Variants in MRNIP observed in about 807,000 individuals in gnomAD.
MRNIP encodes MRN complex interacting protein.
Under a neutral mutation model 29.8 loss-of-function variants are expected in MRNIP, and 30 were observed. That is an observed-to-expected ratio of 1.01 (90% CI 0.75 to 1.36). MRNIP has a LOEUF of 1.36. Ranked by LOEUF, MRNIP falls within the 40% of genes most tolerant of loss-of-function variation. The pLI, the probability that MRNIP is intolerant of heterozygous loss-of-function variation, is 0.00. For synonymous variants in MRNIP, 201 were observed against 164.1 expected (o/e 1.23, Z -1.72); for missense variants, 459 against 423.5 (o/e 1.08, Z -0.74).
chr5:179,851,906 G>A (rs917041800), intron 2 of MRNIP, among the ~76,000 whole-genome samples: 9 of 151,374 alleles, frequency 5.9e-5, no homozygotes, highest in Middle Eastern at 3.2e-3. Context: ...TAAACCCAGG[G>A]GGCGGAGCTT....
Position 179,842,699 on chromosome 5 carries a change from C to CAAAAAAAAAAAAAAAAAAA in MRNIP, c.292-654_292-636dup, listed in dbSNP as rs58952171. On this transcript the variant is annotated intron_variant, in intron 4 of 6. Coordinates refer to ENST00000292586, the MANE Select transcript of MRNIP (RefSeq NM_016175.4). ...TGGGGGGCAGAGCGAGACTCCGTCTCAAAAAAAAAAAAAAAAAAAAAAAAA... is the reference window on the plus strand; with the variant it reads ...TGGGGGGCAGAGCGAGACTCCGTCTCAAAAAAAAAAAAAAAAAAAAAAAAAAAAAAAAAAAAAAAAAAAA... Among the ~76,000 whole-genome samples, 2 of 28,990 alleles carry CAAAAAAAAAAAAAAAAAAA rather than the reference C, an allele frequency of 6.9e-5. 1 individual carries two copies. The highest frequency in any genetic ancestry group is 3.5e-4 in the African/African-American group (2 of 5,720). 19.0% of individuals were successfully genotyped at this position (28,990 alleles called of 152,430 possible). A position where few individuals can be genotyped will look rare whatever the true frequency, so the allele number is the denominator to read the frequency against.
intron 4 of MRNIP, among the ~76,000 whole-genome samples, chr5:179,843,849 A>T (rs1302189263): frequency 1.3e-5 from 2 of 152,196 alleles, no homozygotes; most frequent in Non-Finnish European, 2.9e-5. Context: ...AGGTATGCCC[A>T]GAGTGCTGTG....
chr5:179,839,602 T>C (rs1758780373), intron 6 of MRNIP: 1 of 152,274 alleles, frequency 6.6e-6, no homozygotes, highest in Non-Finnish European at 1.5e-5. Flanking sequence ...CAAAACTAGT[T>C]GGCGGCAACA....
chr5:179,855,977 C>T (rs980199376), intron 1 of MRNIP, among the ~76,000 whole-genome samples: 2 of 144,654 alleles, frequency 1.4e-5, no homozygotes, highest in African/African-American at 2.6e-5. Flanking sequence ...GGCGTGATCT[C>T]GGCTCACTGC....
chr5:179,851,405 A>G lies in MRNIP; in HGVS notation c.126+1973T>C. 2 of 456,082 alleles carry G rather than the reference A, an allele frequency of 4.4e-6. 1 individual carries two copies. The highest frequency in any genetic ancestry group is 3.1e-5 in the South Asian group (2 of 64,566). 28.3% of individuals were successfully genotyped at this position (456,082 alleles called of 1,614,324 possible). A position where few individuals can be genotyped will look rare whatever the true frequency, so the allele number is the denominator to read the frequency against. On this transcript the variant is annotated intron_variant, in intron 2 of 6. Coordinates refer to ENST00000292586, the MANE Select transcript of MRNIP (RefSeq NM_016175.4). Reference sequence around the variant, plus strand: ...GAATGAGATTCTATGGACTTGGAGCAGAGAATCTGACTGAACAGTCTGGGG... The same window carrying G: ...GAATGAGATTCTATGGACTTGGAGCGGAGAATCTGACTGAACAGTCTGGGG...
chr5:179,854,420 A>T (rs1352878617), intron 1 of MRNIP, among the ~76,000 whole-genome samples: 1 of 152,236 alleles, frequency 6.6e-6, no homozygotes, highest in Non-Finnish European at 1.5e-5. Context: ...TGGTACTTTA[A>T]AAGTGAGAAA....
At position 179,837,286 on chromosome 5, in the gene MRNIP, TA is replaced by T. The variant is rs1401719376; in HGVS notation, c.*104del. The T allele has an allele frequency of 6.2e-7, 1 of 1,607,604 alleles. No individual in the cohort carries two copies. Among genetic ancestry groups the T allele is most frequent in the Non-Finnish European group, 8.5e-7 (1 of 1,178,280 alleles). On this transcript the variant is annotated 3_prime_UTR_variant, in exon 7 of 7. Transcript: ENST00000292586. The stretch of plus-strand genomic sequence containing the variant: ...TTGCATAGAGAGAAATGATTGACAG[TA>T]AGTTTATTGTTAATGGTTCTTACAG...
chr5:179,837,412 T>C lies in MRNIP; in HGVS notation c.1011A>G (p.Glu337=), dbSNP rs758847992. ...CAGATCACACATCATCATCGAAGTCTTCCCCAGTTATAAAGAGGTCACATA... is the reference window on the plus strand; with the variant it reads ...CAGATCACACATCATCATCGAAGTCCTCCCCAGTTATAAAGAGGTCACATA... ...TRLCDLFITG[E]DFDDDV The change falls in exon 7 of 7, where the codon GAA becomes GAG. Residue 337 remains glutamate, a synonymous_variant. Coordinates refer to ENST00000292586, the MANE Select transcript of MRNIP (RefSeq NM_016175.4). The C allele has an allele frequency of 1.9e-6, 3 of 1,596,126 alleles. No homozygotes were observed. Among genetic ancestry groups the C allele is most frequent in the Non-Finnish European group, 2.6e-6 (3 of 1,169,348 alleles).
chr5:179,838,064 C>CCA, intron 6 of MRNIP, 179 bp from the exon 7 acceptor site: 1 of 616,112 alleles, frequency 1.6e-6, no homozygotes, highest in Non-Finnish European at 2.8e-6. Flanking sequence ...TAAATGCCTT[C>CCA]CACCTCACCG....
chr5:179,849,397 A>C (rs1249537002), intron 2 of MRNIP, among the ~76,000 whole-genome samples: 112 of 140,832 alleles, frequency 8.0e-4, no homozygotes, highest in African/African-American at 2.9e-3. Context: ...GCAGATGGTA[A>C]GAGATGGAAT....
Position 179,858,767 on chromosome 5 carries a change from T to C in MRNIP, c.30A>G (p.Leu10=). The C allele has an allele frequency of 2.6e-6, 4 of 1,538,764 alleles. No individual in the cohort carries two copies. Among genetic ancestry groups the C allele is most frequent in the Non-Finnish European group, 3.5e-6 (4 of 1,142,814 alleles). MASLQRSRV[L]RCCSCRLFQA... is the part of the protein sequence containing the mutation. ...GGAAGAGGCGGCAGCTGCAGCAGCGTAGCACCCGAGAACGCTGAAGCGACG... is the reference window on the plus strand; with the variant it reads ...GGAAGAGGCGGCAGCTGCAGCAGCGCAGCACCCGAGAACGCTGAAGCGACG... Residue 10 remains leucine, a synonymous_variant, in exon 1 of 7, where the codon CTA becomes CTG. Coordinates refer to ENST00000292586, the MANE Select transcript of MRNIP (RefSeq NM_016175.4).
chr5:179,841,748 G>A (rs1758888030), intron 5 of MRNIP, 159 bp downstream of exon 5: 1 of 746,728 alleles, frequency 1.3e-6, no homozygotes, highest in South Asian at 1.7e-5. Flanking sequence ...GGTGGGCTGT[G>A]GGGCCAGCAG....
chr5:179,851,111 C>A, intron 2 of MRNIP: 1 of 416,048 alleles, frequency 2.4e-6, no homozygotes, highest in South Asian at 1.7e-5. Context: ...TTACTGTGGC[C>A]TAGTCAGCCA....
chr5:179,857,472 C>CA (rs954678204), intron 1 of MRNIP, among the ~76,000 whole-genome samples: 2 of 150,602 alleles, frequency 1.3e-5, no homozygotes, highest in African/African-American at 2.4e-5. Context: ...GTCTCAAAAA[C>CA]AAAAAAAGGA....
At chr5:179,856,277 T>C (rs1489195191) in intron 1 of MRNIP, among the ~76,000 whole-genome samples, 2 of 152,156 alleles carry the variant, frequency 1.3e-5, no homozygotes, top group East Asian at 1.9e-4. Flanking sequence ...ACTGCTGAGA[T>C]AGTATGGTTC....
At chr5:179,838,976 T>G (rs924769275) in intron 6 of MRNIP, 4 of 150,576 alleles carry the variant, frequency 2.7e-5, no homozygotes, top group African/African-American at 7.4e-5. Flanking sequence ...AAAGGCTGGG[T>G]GCAGTGGCTC....
chr5:179,852,641 G>A (rs1030010992), intron 2 of MRNIP, among the ~76,000 whole-genome samples: 2 of 152,194 alleles, frequency 1.3e-5, no homozygotes, highest in African/African-American at 4.8e-5. Context: ...TGAGCACAAA[G>A]GCCTGAAGAG....
chr5:179,844,386 T>C (rs1377913687), intron 3 of MRNIP, 159 bp from the exon 4 acceptor site: 18 of 572,578 alleles, frequency 3.1e-5, no homozygotes, highest in Non-Finnish European at 5.0e-5. Context: ...TGCATACCTA[T>C]ATTCCCAGCT....
At chr5:179,846,428 C>T (rs1204266822) in intron 3 of MRNIP, among the ~76,000 whole-genome samples, 1 of 152,016 alleles carries the variant, frequency 6.6e-6, no homozygotes, top group Non-Finnish European at 1.5e-5. Context: ...GGATTACAGG[C>T]GCCCGCCACC....
Sources: allele counts gnomAD v4.1 joint callset (sites outside exome capture counted in the v4.1 genomes callset), GRCh38; gene constraint gnomAD v4.1.1; transcripts MANE v1.5; gene names NCBI Gene and HGNC (gene_info 2026-07-23, HGNC 2026-07-21).